GRIK4: variants seen among roughly 807,000 people sequenced by gnomAD.
GRIK4 encodes the protein glutamate receptor ionotropic, kainate 4.
A neutral mutation model predicts 104.9 loss-of-function variants in GRIK4; 40 were observed. The observed-to-expected ratio is 0.38, with a 90% CI of 0.30 to 0.50. The LOEUF (loss-of-function observed/expected upper bound fraction) is 0.50. Among genes scored for constraint, GRIK4 ranks in the 20% least tolerant of loss-of-function variants. The pLI, the probability that GRIK4 is intolerant of heterozygous loss-of-function variation, is 0.93. For synonymous variants in GRIK4, 485 were observed against 524.9 expected, an observed-to-expected ratio of 0.92 and a Z score of 1.04; for missense variants, 1,047 against 1,308.1, an observed-to-expected ratio of 0.80 and a Z score of 3.08.
chr11:120,957,924 T>A (rs1190023035), intron 16 of GRIK4, among the ~76,000 whole-genome samples: 3 of 152,110 alleles, frequency 2.0e-5, no homozygotes, highest in Non-Finnish European at 4.4e-5. Context: ...AAACAACAAA[T>A]GTAGCACGAT....
At chr11:120,745,811 T>C (rs532652785) in intron 3 of GRIK4, among the ~76,000 whole-genome samples, 11 of 152,336 alleles carry the variant, frequency 7.2e-5, no homozygotes, top group African/African-American at 2.2e-4. Flanking sequence ...TGTTTTGGAC[T>C]GTAGAACATT....
chr11:120,746,125 C>G (rs1245025787), intron 3 of GRIK4, among the ~76,000 whole-genome samples: 1 of 152,130 alleles, frequency 6.6e-6, no homozygotes, highest in African/African-American at 2.4e-5. Context: ...GAATAAGGTG[C>G]TTCATAAATG....
intron 3 of GRIK4, among the ~76,000 whole-genome samples, chr11:120,742,685 C>A (rs1057307126): frequency 1.3e-5 from 2 of 152,122 alleles, no homozygotes; most frequent in African/African-American, 2.4e-5. Context: ...ATTAGTTCAA[C>A]CATTGTGGAA....
chr11:120,572,749 C>G (rs181441449), intron 1 of GRIK4, among the ~76,000 whole-genome samples: 1 of 152,332 alleles, frequency 6.6e-6, no homozygotes, highest in African/African-American at 2.4e-5. Context: ...TTCTTACCCA[C>G]TAAACCCTCT....
At chr11:120,922,491 A>C (rs1321172135) in intron 13 of GRIK4, among the ~76,000 whole-genome samples, 1 of 152,038 alleles carries the variant, frequency 6.6e-6, no homozygotes, top group South Asian at 2.1e-4. Context: ...AAGAATTCCA[A>C]ATGTGGCACC....
At chr11:120,900,837 G>A (rs965848192) in intron 12 of GRIK4, among the ~76,000 whole-genome samples, 1 of 152,204 alleles carries the variant, frequency 6.6e-6, no homozygotes, top group South Asian at 2.1e-4. Flanking sequence ...ATCTGAACCA[G>A]TGTGAAAATG....
chr11:120,815,517 C>A, intron 5 of GRIK4, 42 bp downstream of exon 5: 1 of 1,215,512 alleles, frequency 8.2e-7, no homozygotes, highest in Non-Finnish European at 1.2e-6. Context: ...TGTGCTGGAG[C>A]CTGTGCCCAG....
chr11:120,552,732 G>T (rs1009875841), intron 1 of GRIK4, among the ~76,000 whole-genome samples: 2 of 152,202 alleles, frequency 1.3e-5, no homozygotes, highest in Non-Finnish European at 2.9e-5. Context: ...AGGCGTGGTG[G>T]CTCATGCCTG....
Position 120,875,127 on chromosome 11 carries a change from TC to T in GRIK4, c.1060-11del. 2.6e-6 allele frequency: 4 copies of T among 1,560,436 alleles called. No homozygotes were observed. Among genetic ancestry groups the T allele is most frequent in the Non-Finnish European group, 3.5e-6 (4 of 1,131,692 alleles). On this transcript the variant is annotated splice_polypyrimidine_tract_variant and intron_variant, in intron 10 of 20. Coordinates refer to ENST00000527524, the MANE Select transcript of GRIK4 (RefSeq NM_014619.5). ...GCCTGTTTGGTGCTGTAACTCACTC[TC>T]TCTTGGACAGGTAGAATTGGAAGGT...
At chr11:120,795,196 C>T (rs902556959) in intron 3 of GRIK4, among the ~76,000 whole-genome samples, 9 of 152,172 alleles carry the variant, frequency 5.9e-5, no homozygotes, top group Admixed American at 2.0e-4. Context: ...TAAGAGTTAC[C>T]GAAGTGCATG....
rs1003617841 is a variant in GRIK4 at position 120,562,230 on chromosome 11, A to T, written c.-159+50343A>T. Reference sequence around the variant, plus strand: ...TCAGAGAAATTAAGTGACATGGCAGATGGAAGAGCTAAGAATCAAACTGAC... The same window carrying T: ...TCAGAGAAATTAAGTGACATGGCAGTTGGAAGAGCTAAGAATCAAACTGAC... On this transcript the variant is annotated intron_variant, in intron 1 of 20. Transcript: ENST00000527524. Among the ~76,000 whole-genome samples the T allele has an allele frequency of 7.9e-5, 12 of 152,254 alleles. No individual in the cohort carries two copies. The East Asian group carries it at 2.3e-3, about 29-fold the overall frequency.
intron 3 of GRIK4, among the ~76,000 whole-genome samples, chr11:120,718,326 G>T (rs956962515): frequency 6.6e-6 from 1 of 152,198 alleles, no homozygotes; most frequent in Admixed American, 6.5e-5. Flanking sequence ...GTAGCCTGAG[G>T]AGTGATGTGA....
At chr11:120,864,501 A>G (rs1000783054) in intron 9 of GRIK4, among the ~76,000 whole-genome samples, 4 of 152,082 alleles carry the variant, frequency 2.6e-5, no homozygotes, top group African/African-American at 4.8e-5. Flanking sequence ...CGGCCTCCCA[A>G]AGTGCTGGGA....
At chr11:120,641,092 C>T (rs191729752) in intron 1 of GRIK4, among the ~76,000 whole-genome samples, 236 of 152,344 alleles carry the variant, frequency 1.5e-3, no homozygotes, top group Non-Finnish European at 2.8e-3. Flanking sequence ...GTGGCATAGC[C>T]ACTTTGCCAT....
At chr11:120,553,082 G>A (rs1948155461) in intron 1 of GRIK4, among the ~76,000 whole-genome samples, 1 of 152,124 alleles carries the variant, frequency 6.6e-6, no homozygotes. Context: ...AGAGTGGGCT[G>A]TAATTATGCA....
chr11:120,766,821 C>T (rs1012046843), intron 3 of GRIK4, among the ~76,000 whole-genome samples: 3 of 151,654 alleles, frequency 2.0e-5, no homozygotes, highest in African/African-American at 7.3e-5. Context: ...AACCAGGTAC[C>T]TCAGTTGGAA....
intron 1 of GRIK4, among the ~76,000 whole-genome samples, chr11:120,540,178 A>G (rs1948018619): frequency 6.6e-6 from 1 of 152,192 alleles, no homozygotes; most frequent in Admixed American, 6.5e-5. Context: ...AGAGGAGGGC[A>G]GCTTGGATGT....
chr11:120,895,411 T>C (rs138072616), intron 11 of GRIK4, among the ~76,000 whole-genome samples: 15 of 152,280 alleles, frequency 9.9e-5, no homozygotes, highest in East Asian at 3.9e-4. Flanking sequence ...TAGGAGTCCA[T>C]TGGGAGCCAA....
At chr11:120,570,290 A>T (rs1298313131) in intron 1 of GRIK4, among the ~76,000 whole-genome samples, 1 of 152,208 alleles carries the variant, frequency 6.6e-6, no homozygotes, top group Admixed American at 6.5e-5. Flanking sequence ...AACAATATTC[A>T]GTATTTCTCT....
Sources: allele counts gnomAD v4.1 joint callset (sites outside exome capture counted in the v4.1 genomes callset), GRCh38; gene constraint gnomAD v4.1.1; transcripts MANE v1.5; gene names NCBI Gene and HGNC (gene_info 2026-07-23, HGNC 2026-07-21).